ABCG1: variants seen among roughly 807,000 people sequenced by gnomAD.
The protein encoded by ABCG1 is ATP binding cassette subfamily G member 1, also known as ATP-binding cassette sub-family G member 1.
Under a neutral mutation model 69.2 loss-of-function variants are expected in ABCG1, and 29 were observed. That is an observed-to-expected ratio of 0.42 (90% confidence interval 0.31 to 0.57). ABCG1 has a LOEUF of 0.57. Among genes scored for constraint, ABCG1 ranks in the 20% least tolerant of loss-of-function variants. The probability of loss-of-function intolerance (pLI) is 0.15; values close to 1 mark genes in which losing one functional copy is unlikely to be tolerated. For synonymous variants in ABCG1, 370 were observed against 374.8 expected (o/e 0.99, Z 0.15); for missense variants, 718 against 898.1 (o/e 0.80, Z 2.56).
chr21:42,201,530 A>T, intron 1 of ABCG1: 2 of 1,305,782 alleles, frequency 1.5e-6, no homozygotes, highest in Non-Finnish European at 2.1e-6. Flanking sequence ...ACCCTGAGTT[A>T]ATCTGAGTGA....
chr21:42,204,564 C>T (rs1458796696), intron 2 of ABCG1, among the ~76,000 whole-genome samples: 1 of 152,072 alleles, frequency 6.6e-6, no homozygotes, highest in Non-Finnish European at 1.5e-5. Flanking sequence ...ACTATTGAAC[C>T]AGCCTTACGT....
intron 2 of ABCG1, among the ~76,000 whole-genome samples, chr21:42,266,537 C>A (rs2068508786): frequency 6.6e-6 from 1 of 152,054 alleles, no homozygotes; most frequent in African/African-American, 2.4e-5. Context: ...TGGAATATCC[C>A]AAGGGATTTG....
chr21:42,244,777 T>C (rs2068107412), intron 2 of ABCG1, among the ~76,000 whole-genome samples: 1 of 152,208 alleles, frequency 6.6e-6, no homozygotes, highest in Non-Finnish European at 1.5e-5. Flanking sequence ...CACAGAAAGC[T>C]TGGGAACACC....
intron 2 of ABCG1, among the ~76,000 whole-genome samples, chr21:42,250,018 AAGTG>A (rs2068193957): frequency 6.6e-6 from 1 of 151,414 alleles, no homozygotes; most frequent in Admixed American, 6.6e-5. Context: ...AAAAAAAAAA[AAGTG>A]AGAGGGGGAT....
chr21:42,286,705 C>A (rs1035210214), intron 8 of ABCG1, among the ~76,000 whole-genome samples: 2 of 152,080 alleles, frequency 1.3e-5, no homozygotes, highest in Non-Finnish European at 1.5e-5. Context: ...AGGTCTGAAG[C>A]CTGCATGGAG....
chr21:42,243,326 G>A (rs1019705136), intron 2 of ABCG1, among the ~76,000 whole-genome samples: 6 of 152,266 alleles, frequency 3.9e-5, no homozygotes, highest in African/African-American at 1.4e-4. Flanking sequence ...ACTGCTGCAC[G>A]CCAGGGAACA....
chr21:42,238,051 G>A (rs780149195), intron 2 of ABCG1, among the ~76,000 whole-genome samples: 13 of 152,150 alleles, frequency 8.5e-5, no homozygotes, highest in Non-Finnish European at 1.9e-4. Context: ...TAGTGCTCAA[G>A]GTATTTTAAT....
chr21:42,285,766 C>G, intron 7 of ABCG1, 114 bp from the exon 8 acceptor site: 1 of 763,234 alleles, frequency 1.3e-6, no homozygotes, highest in Non-Finnish European at 2.3e-6. Context: ...AGTGGCTGAT[C>G]GCTGGGCTGA....
At chr21:42,214,913 G>A (rs1358589301), upstream of ABCG1, among the ~76,000 whole-genome samples, 4 of 152,216 alleles carry the variant, frequency 2.6e-5, no homozygotes, top group Non-Finnish European at 5.9e-5. Flanking sequence ...CTGGGCAAAG[G>A]GGCAGAGGGA....
At chr21:42,237,198 A>G (rs977687643) in intron 2 of ABCG1, among the ~76,000 whole-genome samples, 6 of 152,232 alleles carry the variant, frequency 3.9e-5, no homozygotes, top group Admixed American at 3.9e-4. Flanking sequence ...CTTGAGAACT[A>G]TACCTCAATA....
At chr21:42,268,362 G>GGTGT (rs1555957893) in intron 2 of ABCG1, among the ~76,000 whole-genome samples, 20,044 of 147,412 alleles carry the variant, frequency 0.14, 1,850 homozygotes, top group Middle Eastern at 0.28. Flanking sequence ...TAGAGGTAGG[G>GGTGT]GTGTGTGTGT....
chr21:42,233,066 G>A (rs954489259), intron 2 of ABCG1, among the ~76,000 whole-genome samples: 7 of 152,216 alleles, frequency 4.6e-5, no homozygotes, highest in Admixed American at 4.6e-4. Context: ...AGTGCCGACT[G>A]TTTTTGCTCA....
chr21:42,207,461 T>G (rs2067551997), intron 2 of ABCG1, among the ~76,000 whole-genome samples: 1 of 152,280 alleles, frequency 6.6e-6, no homozygotes, highest in Admixed American at 6.5e-5. Flanking sequence ...TTCTACTTTC[T>G]ATTTTATTTT....
At chr21:42,242,043 C>A (rs558043796) in intron 2 of ABCG1, among the ~76,000 whole-genome samples, 3 of 151,880 alleles carry the variant, frequency 2.0e-5, no homozygotes, top group Admixed American at 2.0e-4. Context: ...AATATGCCTG[C>A]CATTGAAAGC....
intron 2 of ABCG1, among the ~76,000 whole-genome samples, chr21:42,264,088 A>G (rs1377559062): frequency 6.6e-6 from 1 of 152,140 alleles, no homozygotes; most frequent in Non-Finnish European, 1.5e-5. Flanking sequence ...GCAGAAGAAG[A>G]CGTGCGTCAC....
upstream of ABCG1, among the ~76,000 whole-genome samples, chr21:42,213,535 T>A (rs1352860479): frequency 6.6e-6 from 1 of 152,206 alleles, no homozygotes; most frequent in Non-Finnish European, 1.5e-5. Context: ...CAGGGCCACC[T>A]GAAGACCTCA....
intron 2 of ABCG1, among the ~76,000 whole-genome samples, chr21:42,234,761 C>A (rs1456388045): frequency 6.6e-6 from 1 of 152,160 alleles, no homozygotes; most frequent in East Asian, 1.9e-4. Context: ...CGCGCTCTTG[C>A]CCGAGCTCAA....
chr21:42,201,059 C>G (rs979059339), intron 1 of ABCG1, among the ~76,000 whole-genome samples: 5 of 149,340 alleles, frequency 3.3e-5, no homozygotes, highest in African/African-American at 1.2e-4. Flanking sequence ...GCATATTGTG[C>G]TTTTTTTTTT....
chr21:42,204,229 C>T (rs1439417966), intron 2 of ABCG1, among the ~76,000 whole-genome samples: 1 of 152,090 alleles, frequency 6.6e-6, no homozygotes, highest in African/African-American at 2.4e-5. Context: ...AATCTGTCTG[C>T]CATTTATTTC....
Sources: allele counts gnomAD v4.1 joint callset (sites outside exome capture counted in the v4.1 genomes callset), GRCh38; gene constraint gnomAD v4.1.1; transcripts MANE v1.5; gene names NCBI Gene and HGNC (gene_info 2026-07-23, HGNC 2026-07-21).